TOP1MT: variants seen among roughly 807,000 people sequenced by gnomAD.
TOP1MT encodes DNA topoisomerase I, mitochondrial.
TOP1MT carries 80 observed loss-of-function variants against 73.9 expected under a neutral mutation model. That is an observed-to-expected ratio of 1.08 (90% CI 0.90 to 1.30). TOP1MT has a LOEUF of 1.30. Ranked by LOEUF, TOP1MT falls within the 50% of genes most tolerant of loss-of-function variation. The pLI is 0.00. For synonymous variants in TOP1MT, 338 were observed against 326.4 expected (o/e 1.04, Z -0.38); for missense variants, 815 against 808.0 (o/e 1.01, Z -0.10).
At chr8:143,334,573 G>T (rs1354716008) in intron 1 of TOP1MT, among the ~76,000 whole-genome samples, 167 bp downstream of exon 1, 1 of 152,244 alleles carries the variant, frequency 6.6e-6, no homozygotes, top group Non-Finnish European at 1.5e-5. Context: ...TACACCCCGG[G>T]CAGGAGGCGG....
At chr8:143,317,423 C>A (rs1043879115) in intron 10 of TOP1MT, among the ~76,000 whole-genome samples, 1 of 152,210 alleles carries the variant, frequency 6.6e-6, no homozygotes, top group Non-Finnish European at 1.5e-5. Flanking sequence ...AAGAAAGAAC[C>A]CTGAGGAGGA....
chr8:143,325,603 T>C lies in TOP1MT; in HGVS notation c.484-70A>G, dbSNP rs113458638. Reference sequence around the variant, plus strand: ...AGAACAGGCCTCAGTCCGTTGTTGCTAACCCGGGACCACCCTGCTCTGTCT... The same window carrying C: ...AGAACAGGCCTCAGTCCGTTGTTGCCAACCCGGGACCACCCTGCTCTGTCT... On this transcript the variant is annotated intron_variant, in intron 4 of 13. Coordinates refer to ENST00000329245, the MANE Select transcript of TOP1MT (RefSeq NM_052963.3). 520 of 1,452,068 alleles carry C rather than the reference T, an allele frequency of 3.6e-4. 1 individual carries two copies. The African/African-American group carries it at 6.5e-3, about 18-fold the overall frequency. The allele number at this position is 1,452,068 out of a possible 1,614,324, so 89.9% of individuals were successfully genotyped here.
chr8:143,339,814 C>T (rs978687149), upstream of TOP1MT, among the ~76,000 whole-genome samples: 2 of 151,564 alleles, frequency 1.3e-5, no homozygotes, highest in East Asian at 3.9e-4. Context: ...TCCACCCCTG[C>T]CAGCACTGGT....
intron 12 of TOP1MT, among the ~76,000 whole-genome samples, chr8:143,313,975 G>C (rs997240703): frequency 6.6e-6 from 1 of 152,110 alleles, no homozygotes; most frequent in Non-Finnish European, 1.5e-5. Context: ...GAGGACCTGA[G>C]CAGTCATTCT....
chr8:143,330,400 A>G (rs928383175), intron 2 of TOP1MT, among the ~76,000 whole-genome samples: 1 of 152,212 alleles, frequency 6.6e-6, no homozygotes, highest in Non-Finnish European at 1.5e-5. Flanking sequence ...GTAAGGTCCC[A>G]TGGCCTCCCG....
At chr8:143,352,741 C>T (rs956734504) in intron 1 of TOP1MT, among the ~76,000 whole-genome samples, 5 of 152,156 alleles carry the variant, frequency 3.3e-5, no homozygotes, top group South Asian at 2.1e-4. Context: ...ATCCTTCCAC[C>T]TCAGCTTACC....
chr8:143,342,637 C>T (rs1241383889), intron 2 of TOP1MT, among the ~76,000 whole-genome samples: 2 of 26,128 alleles, frequency 7.7e-5, no homozygotes, highest in Non-Finnish European at 1.3e-4. Context: ...GAGACAGTCT[C>T]GCTCTATTAT....
At position 143,341,228 on chromosome 8, in the gene TOP1MT, T is replaced by C. The variant is rs897790884; in HGVS notation, c.29+1992A>G. Among the ~76,000 whole-genome samples the C allele has an allele frequency of 1.3e-5, 2 of 152,112 alleles. No individual in the cohort carries two copies. Among genetic ancestry groups the C allele is most frequent in the African/African-American group, 2.4e-5 (1 of 41,440 alleles). ...TTCTCTTCGGATATTCTTTTTTTTT[T>C]CTCAGTTTGTGCCTCTCTTCCACAC... On this transcript the variant is annotated intron_variant, in intron 2 of 5. Transcript: ENST00000518007. The surrounding 1 kb of genome is among the most constrained non-coding windows in gnomAD (Gnocchi z 4.1).
chr8:143,354,916 A>T (rs12547970), intron 1 of TOP1MT, among the ~76,000 whole-genome samples: 1 of 152,176 alleles, frequency 6.6e-6, no homozygotes, highest in African/African-American at 2.4e-5. Context: ...AAAGAAAAGA[A>T]AAAAAGGAAA....
At chr8:143,316,517 A>ACATCCC (rs1204616694) in intron 10 of TOP1MT, among the ~76,000 whole-genome samples, 34 of 81,188 alleles carry the variant, frequency 4.2e-4, no homozygotes, top group African/African-American at 1.2e-3. Context: ...TCCCCTGGCG[A>ACATCCC]GTCTGTGGGT....
chr8:143,323,790 G>A (rs62524733), intron 7 of TOP1MT, among the ~76,000 whole-genome samples: 45,928 of 105,756 alleles, frequency 0.43, 10,185 homozygotes, highest in East Asian at 0.67. Context: ...CACACCACAC[G>A]CACAAGTGCA....
intron 12 of TOP1MT, among the ~76,000 whole-genome samples, chr8:143,313,458 G>C (rs1291536787): frequency 6.7e-6 from 1 of 150,342 alleles, no homozygotes; most frequent in East Asian, 2.0e-4. Flanking sequence ...GCTGAGGCAG[G>C]AGAATCGCTT....
rs1816224993 is a variant in TOP1MT at position 143,318,035 on chromosome 8, G to C, written c.1198C>G (p.Leu400Val). The stretch of plus-strand genomic sequence containing the variant: ...CGGCTTACGGTCAGCCTGTCGAAGA[G>C]GTCGTCCCGGGGGTCCTTGTTCTCC... ...FMENKDPRDD[L>V]FDRLTTTSLN... The change falls in exon 9 of 14, where the codon CTC becomes GTC. Residue 400 changes from leucine to valine, a missense_variant. Leu to Val is a conservative substitution (Grantham distance 32). Coordinates refer to ENST00000329245, the MANE Select transcript of TOP1MT (RefSeq NM_052963.3). 1.2e-6 allele frequency: 2 copies of C among 1,614,058 alleles called. No homozygotes were observed. Among genetic ancestry groups the C allele is most frequent in the African/African-American group, 1.3e-5 (1 of 74,926 alleles).
At chr8:143,323,695 CA>C (rs1816614472) in intron 7 of TOP1MT, among the ~76,000 whole-genome samples, 1 of 80,872 alleles carries the variant, frequency 1.2e-5, no homozygotes, top group Non-Finnish European at 3.1e-5. Context: ...GCACGCCACA[CA>C]CACAGGCACA....
Position 143,324,549 on chromosome 8 carries a change from G to T in TOP1MT, c.752C>A (p.Ala251Asp). The T allele has an allele frequency of 6.2e-7, 1 of 1,613,878 alleles. No homozygotes were observed. The change falls in exon 6 of 14, where the codon GCT becomes GAT. Residue 251 changes from alanine (A) to aspartate (D), a missense_variant. Ala to Asp is a moderately radical substitution (Grantham distance 126, BLOSUM62 -2). This residue lies in a region of TOP1MT where 751 missense variants were observed against 725.4 expected (regional missense o/e 1.04). Transcript: ENST00000329245. ...GGAGTTCTGAACGCTCTCGGTCCAA[G>T]CTGCCAGCCACGTGACGGTGTTATC... The part of the protein sequence containing the change: ...RSDNTVTWLA[A>D]WTESVQNSIK...
At chr8:143,316,391 AAGG>A (rs35433520) in intron 10 of TOP1MT, among the ~76,000 whole-genome samples, 75,889 of 151,162 alleles carry the variant, frequency 0.5, 20,546 homozygotes, top group East Asian at 0.76. Context: ...GCCCCATGGC[AAGG>A]AGGAGGCCCA....
At chr8:143,334,922 GCCCCCAGCGGCCAGCCCCGC>G, upstream of TOP1MT, 3 of 1,287,816 alleles carry the variant, frequency 2.3e-6, 1 homozygote. Flanking sequence ...GCCCCGCCCC[GCCCCCAGCGGCCAGCCCCGC>G]CCCCGAGCGC....
chr8:143,318,868 C>T (rs34954299), intron 8 of TOP1MT, among the ~76,000 whole-genome samples: 16,590 of 147,876 alleles, frequency 0.11, 976 homozygotes, highest in African/African-American at 0.15. Context: ...CTTCTTCCCT[C>T]ATCTTCCTCT....
At chr8:143,345,204 C>A (rs1003183734), upstream of TOP1MT, among the ~76,000 whole-genome samples, 1 of 152,214 alleles carries the variant, frequency 6.6e-6, no homozygotes, top group African/African-American at 2.4e-5. Context: ...ACTGCAGGCA[C>A]CAGCCAGTCC....
Sources: allele counts gnomAD v4.1 joint callset (sites outside exome capture counted in the v4.1 genomes callset), GRCh38; gene constraint gnomAD v4.1.1; regional missense constraint gnomAD v4.1.1; non-coding constraint Gnocchi (gnomAD v3.1); transcripts MANE v1.5; gene names NCBI Gene and HGNC (gene_info 2026-07-23, HGNC 2026-07-21).